Variants in MAPRE2 observed in about 807,000 individuals in gnomAD.
MAPRE2 encodes microtubule-associated protein RP/EB family member 2.
In MAPRE2, 13 loss-of-function variants were observed where a neutral mutation model predicts 43.2. The observed-to-expected ratio is 0.30, with a 90% CI of 0.20 to 0.48. MAPRE2 has a LOEUF of 0.48. Ranked by LOEUF, MAPRE2 falls within the 20% of genes least tolerant of loss-of-function variation. MAPRE2 has a pLI of 0.99. For synonymous variants in MAPRE2, 135 were observed against 148.8 expected, an observed-to-expected ratio of 0.91 and a Z score of 0.68; for missense variants, 161 against 400.2, an observed-to-expected ratio of 0.40 and a Z score of 5.10.
rs74444240 is a variant in MAPRE2 at position 35,079,496 on chromosome 18, C to T, written c.250+9174C>T. Among the ~76,000 whole-genome samples the T allele has an allele frequency of 6.4e-3, 974 of 152,254 alleles. 8 individuals carry two copies. The highest frequency in any genetic ancestry group is 0.023 in the African/African-American group (935 of 41,528). ...TAATGCAACATTTAAGAGTAGACAC[C>T]GATTTCCCATCCAGCTCTATCCCTT... On this transcript the variant is annotated intron_variant, in intron 2 of 6. Coordinates refer to ENST00000300249, the MANE Select transcript of MAPRE2 (RefSeq NM_014268.4).
At chr18:35,051,682 C>T (rs1280446729) in intron 1 of MAPRE2, among the ~76,000 whole-genome samples, 1 of 152,176 alleles carries the variant, frequency 6.6e-6, no homozygotes, top group Non-Finnish European at 1.5e-5. Context: ...GTGGGCAAAG[C>T]TTGGCTCTGG....
At chr18:35,112,184 CT>C (rs1163762591) in intron 4 of MAPRE2, among the ~76,000 whole-genome samples, 469 of 140,896 alleles carry the variant, frequency 3.3e-3, no homozygotes, top group Middle Eastern at 0.015. Flanking sequence ...TCCTTCCTTC[CT>C]TTTTTTTTTT....
chr18:35,103,771 G>A (rs1908783029), intron 4 of MAPRE2, among the ~76,000 whole-genome samples: 1 of 152,152 alleles, frequency 6.6e-6, no homozygotes, highest in South Asian at 2.1e-4. Context: ...GCAGAAGGTA[G>A]GGAGCATAAT....
At chr18:35,065,242 G>T (rs1906777625) in intron 1 of MAPRE2, among the ~76,000 whole-genome samples, 1 of 151,674 alleles carries the variant, frequency 6.6e-6, no homozygotes, top group South Asian at 2.1e-4. Flanking sequence ...ACGTTGCAGT[G>T]AGCCAAGATC....
intron 1 of MAPRE2, among the ~76,000 whole-genome samples, chr18:34,986,363 T>TA (rs1260005773): frequency 1.1e-4 from 16 of 152,164 alleles, no homozygotes; most frequent in African/African-American, 3.9e-4. Flanking sequence ...TCATGATTCT[T>TA]ACCAAGAAAC....
chr18:35,087,913 TCATG>T (rs371296550), intron 2 of MAPRE2, among the ~76,000 whole-genome samples: 370 of 152,318 alleles, frequency 2.4e-3, no homozygotes, highest in African/African-American at 8.6e-3. Flanking sequence ...GCAAAGGTCT[TCATG>T]CTGCGTCATT....
At chr18:35,119,161 C>T (rs185809366) in intron 4 of MAPRE2, among the ~76,000 whole-genome samples, 105 of 152,288 alleles carry the variant, frequency 6.9e-4, no homozygotes, top group African/African-American at 2.5e-3. Flanking sequence ...AAGAGGGGCA[C>T]CTGGCGCTGC....
chr18:35,079,018 C>T (rs186366391), intron 2 of MAPRE2, among the ~76,000 whole-genome samples: 17 of 152,262 alleles, frequency 1.1e-4, no homozygotes, highest in Middle Eastern at 3.4e-3. Flanking sequence ...GATGAGGTGG[C>T]TCTGAAATTT....
At chr18:35,094,597 T>C (rs1462314496) in intron 2 of MAPRE2, among the ~76,000 whole-genome samples, 1 of 152,166 alleles carries the variant, frequency 6.6e-6, no homozygotes, top group East Asian at 1.9e-4. Flanking sequence ...TATCAGTTAG[T>C]GGTTTAGGTT....
At chr18:35,010,597 C>T (rs888399053) in intron 2 of MAPRE2, among the ~76,000 whole-genome samples, 2 of 152,112 alleles carry the variant, frequency 1.3e-5, no homozygotes, top group South Asian at 2.1e-4. Flanking sequence ...CATCAAGTTG[C>T]CTTATAAGAC....
chr18:34,978,376 C>T (rs2097014324), intron 1 of MAPRE2: 2 of 806,246 alleles, frequency 2.5e-6, no homozygotes, highest in Middle Eastern at 2.4e-4. Context: ...ATAGTATCGA[C>T]CCTGGGGCCG....
chr18:35,102,243 C>A, intron 4 of MAPRE2, 84 bp downstream of exon 4: 1 of 999,088 alleles, frequency 1.0e-6, no homozygotes, highest in Non-Finnish European at 1.4e-6. Flanking sequence ...GTGTTTCTGA[C>A]TGATTCTTCT....
Position 34,990,608 on chromosome 18 carries a change from A to G in MAPRE2, c.-70+13529A>G, listed in dbSNP as rs895297424. ...CTGACTCTCATCTATGATAAATTTC[A>G]TCTAGCGCTACGTTCAGTGTAAACC... On this transcript the variant is annotated intron_variant, in intron 1 of 7. Coordinates refer to the MAPRE2 transcript ENST00000413393. 2.0e-5 allele frequency among the ~76,000 whole-genome samples: 3 copies of G among 152,148 alleles called. No individual in the cohort carries two copies. In the South Asian group the frequency reaches 6.2e-4, roughly 32 times the overall value.
intron 2 of MAPRE2, among the ~76,000 whole-genome samples, chr18:35,034,076 C>G (rs1478732455): frequency 6.6e-6 from 1 of 152,144 alleles, no homozygotes; most frequent in Non-Finnish European, 1.5e-5. Context: ...AGCAAAAGAA[C>G]AAAGCTGGAG....
intron 4 of MAPRE2, among the ~76,000 whole-genome samples, chr18:35,112,493 C>T (rs1447583003): frequency 1.3e-5 from 2 of 152,066 alleles, no homozygotes; most frequent in Non-Finnish European, 2.9e-5. Context: ...TTTTACCCAA[C>T]CCCTACCCCA....
In MAPRE2 at chr18:35,101,954, A is replaced by G. The variant is rs1222069854; in HGVS notation, c.405A>G (p.Pro135=). The change falls in exon 4 of 7, where the codon CCA becomes CCG. Residue 135 remains proline (P), a synonymous_variant. Transcript: ENST00000300249. ...FKRMNVDKVI[P]VEKLVKGRFQ... ...GTGATTTTTTATTGCAGGTAATTCCAGTGGAGAAGCTAGTGAAAGGACGTT... is the reference window on the plus strand; with the variant it reads ...GTGATTTTTTATTGCAGGTAATTCCGGTGGAGAAGCTAGTGAAAGGACGTT... 1 of 1,601,804 alleles carries G rather than the reference A, an allele frequency of 6.2e-7. No homozygotes were observed.
chr18:35,100,441 A>T (rs950394316), intron 3 of MAPRE2, among the ~76,000 whole-genome samples: 1 of 152,178 alleles, frequency 6.6e-6, no homozygotes. Flanking sequence ...ACTACCATTC[A>T]ACCCAGCAAT....
intron 1 of MAPRE2, among the ~76,000 whole-genome samples, chr18:35,050,467 T>G (rs752063940): frequency 1.1e-4 from 17 of 152,208 alleles, no homozygotes; most frequent in Non-Finnish European, 8.8e-5. Flanking sequence ...ATAGTGGAGA[T>G]TTTGTTTCAT....
intron 4 of MAPRE2, among the ~76,000 whole-genome samples, chr18:35,123,134 C>G (rs996540593): frequency 6.6e-6 from 1 of 152,140 alleles, no homozygotes; most frequent in African/African-American, 2.4e-5. Context: ...TGCTCTTCCC[C>G]GATAACGTGG....
Sources: allele counts gnomAD v4.1 joint callset (sites outside exome capture counted in the v4.1 genomes callset), GRCh38; gene constraint gnomAD v4.1.1; transcripts MANE v1.5; gene names NCBI Gene and HGNC (gene_info 2026-07-23, HGNC 2026-07-21).